Variants in MGST2 observed in about 807,000 individuals in gnomAD.
MGST2 encodes microsomal glutathione S-transferase 2, also known as glutathione peroxidase MGST2.
MGST2 carries 9 observed loss-of-function variants against 16.6 expected under a neutral mutation model. That is an observed-to-expected ratio of 0.54 (90% CI 0.33 to 0.95). The LOEUF (loss-of-function observed/expected upper bound fraction) is 0.95, where lower values mean the gene tolerates loss of function less well. Ranked by LOEUF, MGST2 falls within the 40% of genes least tolerant of loss-of-function variation. MGST2 has a pLI of 0.03. For synonymous variants in MGST2, 79 were observed against 68.0 expected (o/e 1.16, Z -0.79); for missense variants, 159 against 175.1 (o/e 0.91, Z 0.52).
intron 3 of MGST2, among the ~76,000 whole-genome samples, chr4:139,700,737 TTGAC>T (rs1727205433): frequency 6.6e-6 from 1 of 152,232 alleles, no homozygotes; most frequent in South Asian, 2.1e-4. Flanking sequence ...CACTTTCTAT[TTGAC>T]TGGGGTATCC....
At chr4:139,686,177 G>A (rs900461186) in intron 2 of MGST2, among the ~76,000 whole-genome samples, 4 of 152,148 alleles carry the variant, frequency 2.6e-5, no homozygotes, top group African/African-American at 9.7e-5. Context: ...GGGAGCAGGG[G>A]GCTTCCAGCT....
intron 2 of MGST2, among the ~76,000 whole-genome samples, chr4:139,682,347 G>A (rs1579301553): frequency 1.3e-5 from 2 of 152,170 alleles, no homozygotes; most frequent in South Asian, 4.1e-4. Context: ...AAAGCTATGG[G>A]TGTAGGTCCC....
intron 1 of MGST2, among the ~76,000 whole-genome samples, chr4:139,666,326 C>T (rs892983686): frequency 1.6e-4 from 24 of 152,102 alleles, no homozygotes; most frequent in Admixed American, 1.6e-3. Context: ...AACTGGAACG[C>T]TGTGGGGCCT....
intron 5 of MGST2, among the ~76,000 whole-genome samples, chr4:139,712,382 T>G (rs995714368): frequency 6.6e-6 from 1 of 152,238 alleles, no homozygotes; most frequent in Non-Finnish European, 1.5e-5. Context: ...TAATAACAAG[T>G]GTACCATAGT....
At chr4:139,692,981 A>C (rs540082495) in intron 2 of MGST2, among the ~76,000 whole-genome samples, 1 of 152,268 alleles carries the variant, frequency 6.6e-6, no homozygotes, top group Non-Finnish European at 1.5e-5. Flanking sequence ...AGGTGCTTTT[A>C]AAACAATCTT....
intron 5 of MGST2, among the ~76,000 whole-genome samples, chr4:139,709,379 G>T (rs1017469712): frequency 6.6e-6 from 1 of 151,980 alleles, no homozygotes; most frequent in East Asian, 1.9e-4. Flanking sequence ...CATCACGCCC[G>T]GCCAGACAAT....
At chr4:139,674,324 G>A (rs180914517) in intron 1 of MGST2, among the ~76,000 whole-genome samples, 70 of 152,310 alleles carry the variant, frequency 4.6e-4, no homozygotes, top group African/African-American at 1.7e-3. Context: ...ACATTCTTTT[G>A]AGTTTCTGAT....
the MGST2 span, among the ~76,000 whole-genome samples, chr4:139,751,399 G>A: frequency 2.0e-5 from 3 of 152,140 alleles, no homozygotes; most frequent in Non-Finnish European, 4.4e-5. Context: ...ATTCATGTAT[G>A]TTTCATAATA....
intron 2 of MGST2, among the ~76,000 whole-genome samples, chr4:139,692,035 T>C (rs1316481504): frequency 6.6e-6 from 1 of 151,980 alleles, no homozygotes; most frequent in African/African-American, 2.4e-5. Flanking sequence ...TAGCAAGAAA[T>C]GGGCAAAGTC....
chr4:139,713,550 A>G (rs1182339874), intron 5 of MGST2, among the ~76,000 whole-genome samples: 1 of 152,118 alleles, frequency 6.6e-6, no homozygotes, highest in Non-Finnish European at 1.5e-5. Flanking sequence ...CCAGAAAAAC[A>G]AGTTCCAAAA....
rs1452219114 is a variant in MGST2, at chr4:139,735,376, G to A, written c.*49-4836G>A. 6.6e-6 allele frequency among the ~76,000 whole-genome samples: 1 copy of A among 152,108 alleles called. No individual in the cohort carries two copies. Among genetic ancestry groups the A allele is most frequent in the Admixed American group, 6.5e-5 (1 of 15,282 alleles). On this transcript the variant is annotated intron_variant, in intron 5 of 5. Coordinates refer to the MGST2 transcript ENST00000616265. This position sits in a 1 kb window ranked among gnomAD's most constrained non-coding sequence, Gnocchi z 5.8. ...TTACCGACTTTTCTTCCAGCCGGAG[G>A]GGAGGAAGAATTCAAGTGGGGGAGG... is the stretch of plus-strand genomic sequence containing the variant.
At chr4:139,701,555 T>A (rs1727250751) in intron 3 of MGST2, among the ~76,000 whole-genome samples, 1 of 152,206 alleles carries the variant, frequency 6.6e-6, no homozygotes, top group Non-Finnish European at 1.5e-5. Flanking sequence ...TGCACTTTTC[T>A]TCTCATTTTT....
At chr4:139,753,430 C>T in the MGST2 span, among the ~76,000 whole-genome samples, 2 of 150,986 alleles carry the variant, frequency 1.3e-5, no homozygotes, top group African/African-American at 2.4e-5. Flanking sequence ...GGTATTGATA[C>T]AAATTTGGAA....
intron 2 of MGST2, chr4:139,687,829 C>T (rs773611128): frequency 6.6e-6 from 1 of 152,184 alleles, no homozygotes; most frequent in African/African-American, 2.4e-5. Flanking sequence ...CATTCACTTC[C>T]TCTTCCCTTC....
Position 139,704,023 on chromosome 4 carries a change from G to T in MGST2, c.319G>T (p.Gly107Cys). ...YSEAAKKRIT[G>C]FRLSLGILAL... is the part of the protein sequence containing the mutation. The stretch of plus-strand genomic sequence containing the variant: ...CTCATGTCCACTCTGCAGGATCACC[G>T]GTTTCCGACTGAGTCTGGGGATTTT... The change falls in exon 5 of 5, where the codon GGT becomes TGT. Residue 107 changes from glycine (G) to cysteine (C), a missense_variant. By Grantham distance (159) the Gly-to-Cys change is radical (BLOSUM62 -3). Coordinates refer to ENST00000265498, the MANE Select transcript of MGST2 (RefSeq NM_002413.5). 1.2e-6 allele frequency: 2 copies of T among 1,614,100 alleles called. No individual in the cohort carries two copies. Among genetic ancestry groups the T allele is most frequent in the Non-Finnish European group, 1.7e-6 (2 of 1,180,020 alleles).
chr4:139,667,930 A>G (rs814273), intron 1 of MGST2, among the ~76,000 whole-genome samples: 87,671 of 152,018 alleles, frequency 0.58, 27,088 homozygotes, highest in East Asian at 0.86. Context: ...TGAGCCAAAC[A>G]TGAGGGACGA....
In MGST2 at chr4:139,735,538, C is replaced by A. The variant is rs1728903108; in HGVS notation, c.*49-4674C>A. Among the ~76,000 whole-genome samples the A allele has an allele frequency of 6.6e-6, 1 of 152,062 alleles. No homozygotes were observed. Among genetic ancestry groups the A allele is most frequent in the Admixed American group, 6.5e-5 (1 of 15,278 alleles). On this transcript the variant is annotated intron_variant, in intron 5 of 5. Coordinates refer to the MGST2 transcript ENST00000616265. The surrounding 1 kb of genome is among the most constrained non-coding windows in gnomAD (Gnocchi z 5.8). ...CGGGAGGGACCGGGTTCCAGGACCC[C>A]AGCTGCACAAAGCCGGCCCGGGGAG...
At chr4:139,721,358 T>C (rs906528804) in intron 5 of MGST2, among the ~76,000 whole-genome samples, 13 of 152,234 alleles carry the variant, frequency 8.5e-5, no homozygotes, top group Admixed American at 3.3e-4. Flanking sequence ...CAAAAACGGA[T>C]TTTTCTATGT....
At chr4:139,677,730 C>T (rs747051789) in intron 1 of MGST2, among the ~76,000 whole-genome samples, 3 of 152,008 alleles carry the variant, frequency 2.0e-5, no homozygotes, top group African/African-American at 4.8e-5. Context: ...CTCGAACTCC[C>T]GACCTTGGGT....
Sources: gnomAD v4.1 joint callset for allele counts (sites outside exome capture counted in the v4.1 genomes callset) on GRCh38, gnomAD v4.1.1 for gene constraint, Gnocchi (gnomAD v3.1) non-coding constraint, MANE v1.5 for transcripts, NCBI Gene and HGNC (gene_info 2026-07-23, HGNC 2026-07-21) for gene names.